WSCD2: variants seen among roughly 807,000 people sequenced by gnomAD.
WSCD2 encodes the protein WSC domain sialate O sulfotransferase 2.
Under a neutral mutation model 55.7 loss-of-function variants are expected in WSCD2, and 28 were observed. The ratio of observed to expected loss-of-function variants is 0.50; its 90% CI spans 0.37 to 0.69. The LOEUF (loss-of-function observed/expected upper bound fraction) is 0.69. Among genes scored for constraint, WSCD2 ranks in the 30% least tolerant of loss-of-function variants. The pLI is 0.00. For synonymous variants in WSCD2, 301 were observed against 301.9 expected (o/e 1.00, Z 0.03); for missense variants, 616 against 762.1 (o/e 0.81, Z 2.26).
At chr12:108,233,416 T>G (rs1306808793) in intron 7 of WSCD2, among the ~76,000 whole-genome samples, 3 of 152,248 alleles carry the variant, frequency 2.0e-5, no homozygotes, top group African/African-American at 7.2e-5. Flanking sequence ...ATGTTCTGGA[T>G]GCACTTCCTA....
In WSCD2 at chr12:108,248,682, A is replaced by C; in HGVS notation, c.*339A>C. 9.5e-7 allele frequency: 1 copy of C among 1,056,118 alleles called. No individual in the cohort carries two copies. Among genetic ancestry groups the C allele is most frequent in the Non-Finnish European group, 1.1e-6 (1 of 872,730 alleles). 65.4% of individuals were successfully genotyped at this position (1,056,118 alleles called of 1,614,324 possible). On this transcript the variant is annotated 3_prime_UTR_variant, in exon 9 of 9. Transcript: ENST00000547525. This position sits in a 1 kb window ranked among gnomAD's most constrained non-coding sequence, Gnocchi z 4.3. ...GGGAGGGCTCATCCACATCATGGAG[A>C]CTTGCTGGATGCCCCATGGCAATTG... is the stretch of plus-strand genomic sequence containing the variant.
chr12:108,241,978 G>A (rs189067169), intron 8 of WSCD2, among the ~76,000 whole-genome samples: 4 of 152,172 alleles, frequency 2.6e-5, no homozygotes, highest in Non-Finnish European at 2.9e-5. Context: ...TCAGCACTGC[G>A]CTGTGATAAT....
intron 1 of WSCD2, among the ~76,000 whole-genome samples, chr12:108,157,624 A>G (rs1235647523): frequency 6.6e-6 from 1 of 152,164 alleles, no homozygotes; most frequent in East Asian, 1.9e-4. Flanking sequence ...CAGATGTCCA[A>G]AGTCTCTTAA....
chr12:108,177,910 G>T (rs188980857), intron 1 of WSCD2, among the ~76,000 whole-genome samples: 16 of 152,136 alleles, frequency 1.1e-4, no homozygotes, highest in East Asian at 9.7e-4. Flanking sequence ...ATCTGGGTGG[G>T]TCACCTGGGT....
chr12:108,240,025 C>A (rs1011256397), intron 7 of WSCD2, among the ~76,000 whole-genome samples: 11 of 152,154 alleles, frequency 7.2e-5, no homozygotes, highest in African/African-American at 2.7e-4. Flanking sequence ...CTAGCTAGCA[C>A]CCAAGCATTA....
intron 1 of WSCD2, among the ~76,000 whole-genome samples, chr12:108,178,007 T>C (rs1318341724): frequency 6.6e-6 from 1 of 151,930 alleles, no homozygotes; most frequent in Non-Finnish European, 1.5e-5. Flanking sequence ...AAAGGAAATG[T>C]TGAGGTCCTA....
chr12:108,154,060 T>C (rs955102887), intron 1 of WSCD2, among the ~76,000 whole-genome samples: 1 of 152,136 alleles, frequency 6.6e-6, no homozygotes, highest in African/African-American at 2.4e-5. Flanking sequence ...GTTACTGATT[T>C]AGAGAAAGCA....
chr12:108,229,144 T>C (rs1351700753), intron 6 of WSCD2, among the ~76,000 whole-genome samples: 1 of 152,174 alleles, frequency 6.6e-6, no homozygotes, highest in East Asian at 1.9e-4. Context: ...CTGGGGAGGT[T>C]TGACAGTTAT....
chr12:108,238,865 C>T (rs987316517), intron 7 of WSCD2, among the ~76,000 whole-genome samples: 3 of 152,338 alleles, frequency 2.0e-5, no homozygotes, highest in South Asian at 2.1e-4. Flanking sequence ...GTTTGTATTT[C>T]GGCTCTGCCT....
intron 1 of WSCD2, among the ~76,000 whole-genome samples, chr12:108,151,410 G>C (rs1453020262): frequency 6.6e-6 from 1 of 152,182 alleles, no homozygotes; most frequent in African/African-American, 2.4e-5. Flanking sequence ...ACTGGTTTGG[G>C]CCAATCATAA....
At chr12:108,159,998 T>TA (rs1207445866) in intron 1 of WSCD2, among the ~76,000 whole-genome samples, 2 of 151,508 alleles carry the variant, frequency 1.3e-5, no homozygotes, top group Non-Finnish European at 2.9e-5. Context: ...TTCGTGGAGA[T>TA]ATTAGACACG....
intron 1 of WSCD2, among the ~76,000 whole-genome samples, chr12:108,187,628 C>G (rs1266962774): frequency 6.6e-6 from 1 of 152,158 alleles, no homozygotes; most frequent in Non-Finnish European, 1.5e-5. Flanking sequence ...ACAAGTTACT[C>G]TCTAGACAGT....
At chr12:108,202,343 A>G (rs1313070351) in intron 2 of WSCD2, among the ~76,000 whole-genome samples, 2 of 152,196 alleles carry the variant, frequency 1.3e-5, no homozygotes, top group East Asian at 3.8e-4. Context: ...GTTTTCCAAA[A>G]GCATTAATAA....
intron 1 of WSCD2, among the ~76,000 whole-genome samples, chr12:108,170,375 CAAT>C (rs372589884): frequency 6.6e-6 from 1 of 150,580 alleles, no homozygotes; most frequent in African/African-American, 2.4e-5. Context: ...GACAAGACAA[CAAT>C]GATGATGATG....
chr12:108,207,168 T>C (rs1042012702), intron 3 of WSCD2, among the ~76,000 whole-genome samples: 15 of 152,082 alleles, frequency 9.9e-5, no homozygotes, highest in African/African-American at 3.1e-4. Flanking sequence ...GGGGGCACCA[T>C]GGGGCTGAGC....
At chr12:108,167,153 G>T (rs7979572) in intron 1 of WSCD2, among the ~76,000 whole-genome samples, 3,178 of 152,072 alleles carry the variant, frequency 0.021, 105 homozygotes, top group African/African-American at 0.071. Context: ...CTCCTCTCTG[G>T]GTTTCAGTTT....
intron 1 of WSCD2, among the ~76,000 whole-genome samples, chr12:108,166,263 C>T (rs1879583435): frequency 6.6e-6 from 1 of 152,150 alleles, no homozygotes; most frequent in Non-Finnish European, 1.5e-5. Flanking sequence ...GCCTCAGAGG[C>T]CTGTGAGTGT....
intron 4 of WSCD2, among the ~76,000 whole-genome samples, chr12:108,214,891 C>T (rs1446373913): frequency 1.3e-5 from 2 of 152,170 alleles, no homozygotes; most frequent in Non-Finnish European, 2.9e-5. Flanking sequence ...TTAATTCCGG[C>T]AATTTTTTGT....
intron 1 of WSCD2, among the ~76,000 whole-genome samples, chr12:108,188,394 A>G (rs1022636491): frequency 1.3e-5 from 2 of 152,094 alleles, no homozygotes; most frequent in African/African-American, 4.8e-5. Flanking sequence ...TGCATCAAAG[A>G]TCTGCAGAAC....
Sources: gnomAD v4.1 joint callset for allele counts (sites outside exome capture counted in the v4.1 genomes callset) on GRCh38, gnomAD v4.1.1 for gene constraint, Gnocchi (gnomAD v3.1) non-coding constraint, MANE v1.5 for transcripts, NCBI Gene and HGNC (gene_info 2026-07-23, HGNC 2026-07-21) for gene names.